TSBP1: variants seen among roughly 807,000 people sequenced by gnomAD.
TSBP1 encodes the protein testis-expressed basic protein 1.
A neutral mutation model predicts 68.8 loss-of-function variants in TSBP1; 56 were observed. The ratio of observed to expected loss-of-function variants is 0.81; its 90% CI spans 0.66 to 1.02. The LOEUF (loss-of-function observed/expected upper bound fraction) is 1.02. TSBP1 is among the 50% of genes least tolerant of loss of function. The pLI, the probability that TSBP1 is intolerant of heterozygous loss-of-function variation, is 0.00. For missense variants in TSBP1, 502 were observed against 641.2 expected, an observed-to-expected ratio of 0.78 and a Z score of 2.34; for synonymous variants, 171 against 208.7, an observed-to-expected ratio of 0.82 and a Z score of 1.56.
rs766457223 is a variant in TSBP1, at chr6:32,330,620, GAAAC to G, written c.494-15_494-12del. The G allele has an allele frequency of 9.6e-6, 15 of 1,569,702 alleles. No individual in the cohort carries two copies. Among genetic ancestry groups the G allele is most frequent in the Admixed American group, 1.7e-5 (1 of 57,436 alleles). On this transcript the variant is annotated splice_polypyrimidine_tract_variant and intron_variant, in intron 15 of 22. Coordinates refer to ENST00000612031, the Ensembl canonical transcript of TSBP1. ...ATCCAGGATATTGTACTAAAAAATA[GAAAC>G]AAACAAATTAAACACACACACACAC...
intron 18 of TSBP1, chr6:32,320,044 G>A (rs2982539): frequency 8.7e-5 from 37 of 424,260 alleles, no homozygotes; most frequent in African/African-American, 5.8e-4. Flanking sequence ...ATTTGTTGGG[G>A]CTTGTGAGGT....
chr6:32,355,238 A>G, intron 7 of TSBP1, 94 bp from the exon 8 acceptor site: 1 of 1,306,774 alleles, frequency 7.7e-7, no homozygotes, highest in African/African-American at 1.5e-5. Flanking sequence ...CCCCCTTCTC[A>G]GGAGTTAAAG....
intron 6 of TSBP1, among the ~76,000 whole-genome samples, chr6:32,358,651 G>A (rs1358555257): frequency 1.3e-5 from 2 of 151,852 alleles, no homozygotes; most frequent in Non-Finnish European, 2.9e-5. Flanking sequence ...ACCTGTGAGT[G>A]AGAACATGAG....
At chr6:32,294,204 G>A in intron 22 of TSBP1, 169 bp from the exon 26 acceptor site, 1 of 746,280 alleles carries the variant, frequency 1.3e-6, no homozygotes, top group Admixed American at 2.7e-5. Flanking sequence ...AATTATAAAA[G>A]TATCGATAAA....
At chr6:32,317,476 A>G (rs1767087842) in intron 18 of TSBP1, among the ~76,000 whole-genome samples, 1 of 152,228 alleles carries the variant, frequency 6.6e-6, no homozygotes, top group African/African-American at 2.4e-5. Context: ...ATTGAGCTAA[A>G]GAGCTTCTGC....
intron 14 of TSBP1, among the ~76,000 whole-genome samples, chr6:32,332,911 A>C (rs1769215386): frequency 6.6e-6 from 1 of 152,084 alleles, no homozygotes; most frequent in African/African-American, 2.4e-5. Context: ...ATGCCTGGCC[A>C]AAACCTTCAG....
rs760992532 is a variant in TSBP1, at chr6:32,304,980, T to A, written c.581-2351A>T. 3.9e-5 allele frequency among the ~76,000 whole-genome samples: 6 copies of A among 152,248 alleles called. No homozygotes were observed. Among genetic ancestry groups the A allele is most frequent in the Non-Finnish European group, 5.9e-5 (4 of 68,038 alleles). Reference sequence around the variant, plus strand: ...TCCATTACTAAGTTTACTTACTCTTTGCCTTACTGTGGCAGGGCAGGTCTC... The same window carrying A: ...TCCATTACTAAGTTTACTTACTCTTAGCCTTACTGTGGCAGGGCAGGTCTC... On this transcript the variant is annotated intron_variant, in intron 19 of 22. Coordinates refer to ENST00000612031, the Ensembl canonical transcript of TSBP1. The surrounding 1 kb of genome is among the most constrained non-coding windows in gnomAD (Gnocchi z 4.8).
intron 19 of TSBP1, among the ~76,000 whole-genome samples, chr6:32,305,843 C>A (rs1765732308): frequency 1.3e-5 from 2 of 152,162 alleles, no homozygotes; most frequent in Non-Finnish European, 2.9e-5. Flanking sequence ...AAACTGGAGG[C>A]AAATTGGAAC....
At position 32,325,100 on chromosome 6, in the gene TSBP1, C is replaced by T; in HGVS notation, c.515-1486G>A. On this transcript the variant is annotated intron_variant, in intron 16 of 22. Transcript: ENST00000612031. The surrounding 1 kb of genome is among the most constrained non-coding windows in gnomAD (Gnocchi z 4.4). Reference sequence around the variant, plus strand: ...TCATGTAAAAACTTTTTTCTCAGGTCTTTATTTTTTATGCGAGTCAGTGAA... The same window carrying T: ...TCATGTAAAAACTTTTTTCTCAGGTTTTTATTTTTTATGCGAGTCAGTGAA... 2.2e-6 allele frequency: 1 copy of T among 463,402 alleles called. No individual in the cohort carries two copies. The highest frequency in any genetic ancestry group is 3.8e-6 in the Non-Finnish European group (1 of 265,648). 28.7% of individuals were successfully genotyped at this position (463,402 alleles called of 1,614,324 possible). A position where few individuals can be genotyped will look rare whatever the true frequency, so the allele number is the denominator to read the frequency against.
At position 32,325,573 on chromosome 6, in the gene TSBP1, T is replaced by C. The variant is rs888913853; in HGVS notation, c.515-1959A>G. ...GGCATTAAAGAAGACACTGAAGAAATCACCTAAGAAATTATTTTGAGTAGT... is the reference window on the plus strand; with the variant it reads ...GGCATTAAAGAAGACACTGAAGAAACCACCTAAGAAATTATTTTGAGTAGT... On this transcript the variant is annotated intron_variant, in intron 16 of 22. Transcript: ENST00000612031. This position sits in a 1 kb window ranked among gnomAD's most constrained non-coding sequence, Gnocchi z 4.4. 43 of 881,092 alleles carry C rather than the reference T, an allele frequency of 4.9e-5. No homozygotes were observed. Among genetic ancestry groups the C allele is most frequent in the Non-Finnish European group, 7.8e-5 (41 of 527,444 alleles). The allele number at this position is 881,092 out of a possible 1,614,324, so 54.6% of individuals were successfully genotyped here. A position where few individuals can be genotyped will look rare whatever the true frequency, so the allele number is the denominator to read the frequency against.
In TSBP1 at chr6:32,304,803, T is replaced by A. The variant is rs1309980469; in HGVS notation, c.581-2174A>T. On this transcript the variant is annotated intron_variant, in intron 19 of 22. Transcript: ENST00000612031. The surrounding 1 kb of genome is among the most constrained non-coding windows in gnomAD (Gnocchi z 4.8). ...TAGTTGAGTTTAGCACCTTTTCTTTTTCTTTTCAGTTTTTATGAGAATTTA... is the reference window on the plus strand; with the variant it reads ...TAGTTGAGTTTAGCACCTTTTCTTTATCTTTTCAGTTTTTATGAGAATTTA... Among the ~76,000 whole-genome samples, 1 of 152,138 alleles carries A rather than the reference T, an allele frequency of 6.6e-6. No homozygotes were observed. The highest frequency in any genetic ancestry group is 2.4e-5 in the African/African-American group (1 of 41,416).
Position 32,315,899 on chromosome 6 carries a change from C to T in TSBP1, c.560-107G>A, listed in dbSNP as rs73395095. 417 of 673,968 alleles carry T rather than the reference C, an allele frequency of 6.2e-4. 2 individuals are homozygous for T. In the African/African-American group the frequency reaches 6.9e-3, roughly 11 times the overall value. The allele number at this position is 673,968 out of a possible 1,614,324, so 41.7% of individuals were successfully genotyped here. ...TCTGTGAGGGGAGGACTTGTGTGGGCAAAGAAGGAAGCATTCCAAACCACC... is the reference window on the plus strand; with the variant it reads ...TCTGTGAGGGGAGGACTTGTGTGGGTAAAGAAGGAAGCATTCCAAACCACC... On this transcript the variant is annotated intron_variant, in intron 18 of 22. Coordinates refer to ENST00000612031, the Ensembl canonical transcript of TSBP1. This position sits in a 1 kb window ranked among gnomAD's most constrained non-coding sequence, Gnocchi z 5.4.
chr6:32,350,248 G>T, intron 8 of TSBP1: 1 of 451,766 alleles, frequency 2.2e-6, no homozygotes, highest in South Asian at 1.6e-5. Context: ...ATTCACTTGT[G>T]CCCTATGGAG....
In TSBP1 at chr6:32,293,664, G is replaced by A. The variant is rs764486432; in HGVS notation, c.1009C>T (p.Gln337Ter). Residue 337 changes from glutamine (Q) to a stop codon, truncating the protein, a stop_gained, in exon 23 of 23, where the codon CAA (glutamine) becomes TAA (stop). Transcript: ENST00000612031. LOFTEE classifies it low-confidence loss of function (END_TRUNC). ...ACACCTGACTCACTCTTCTTTACTT[G>A]GGACTCCTGTCCTCTTGGTACATCT... is the stretch of plus-strand genomic sequence containing the variant. 13 of 1,612,954 alleles carry A rather than the reference G, an allele frequency of 8.1e-6. No individual in the cohort carries two copies. Among genetic ancestry groups the A allele is most frequent in the Middle Eastern group, 1.6e-4 (1 of 6,062 alleles).
In TSBP1 at chr6:32,302,445, C is replaced by A. The variant is rs114014905; in HGVS notation, c.601+164G>T. Among the ~76,000 whole-genome samples the A allele has an allele frequency of 0.015, 2,268 of 152,144 alleles. 34 individuals are homozygous for A. The highest frequency in any genetic ancestry group is 0.024 in the Non-Finnish European group (1,620 of 67,992). On this transcript the variant is annotated intron_variant, in intron 20 of 22. Transcript: ENST00000612031. The surrounding 1 kb of genome is among the most constrained non-coding windows in gnomAD (Gnocchi z 5.1). ...CTCCAGGCTAGGTGACAGAGCAAGA[C>A]CCTGTCTCAGAACAAAACAAAACCA...
chr6:32,358,156 T>C (rs1022658316), intron 6 of TSBP1, among the ~76,000 whole-genome samples: 5 of 152,198 alleles, frequency 3.3e-5, no homozygotes, highest in Non-Finnish European at 5.9e-5. Flanking sequence ...GCTGAGTACA[T>C]GTTAATTCTC....
At chr6:32,355,244 TAA>T (rs1772166954) in intron 7 of TSBP1, 100 bp from the exon 8 acceptor site, 2 of 1,240,590 alleles carry the variant, frequency 1.6e-6, no homozygotes, top group African/African-American at 3.0e-5. Flanking sequence ...TCTCAGGAGT[TAA>T]AGTCTAGGCC....
Position 32,333,162 on chromosome 6 carries a change from C to T in TSBP1, c.473-1108G>A, listed in dbSNP as rs867679864. On this transcript the variant is annotated intron_variant, in intron 14 of 22. Transcript: ENST00000612031. The surrounding 1 kb of genome is among the most constrained non-coding windows in gnomAD (Gnocchi z 4.2). ...TAGCTGGGACTGCAGGCGCACGACA[C>T]CACACCCAGCTAATTTTTGTATTTT... Among the ~76,000 whole-genome samples the T allele has an allele frequency of 3.9e-5, 6 of 152,074 alleles. No individual in the cohort carries two copies. The highest frequency in any genetic ancestry group is 1.4e-4 in the African/African-American group (6 of 41,490).
chr6:32,301,962 CATCATCATA>C (rs1765344116), intron 20 of TSBP1, among the ~76,000 whole-genome samples: 1 of 135,462 alleles, frequency 7.4e-6, no homozygotes, highest in African/African-American at 3.0e-5. Flanking sequence ...TAGTTGAAAT[CATCATCATA>C]ATAATAATAA....
Sources: gnomAD v4.1 joint callset for allele counts (sites outside exome capture counted in the v4.1 genomes callset) on GRCh38, gnomAD v4.1.1 for gene constraint, Gnocchi (gnomAD v3.1) non-coding constraint, MANE v1.5 for transcripts, NCBI Gene and HGNC (gene_info 2026-07-23, HGNC 2026-07-21) for gene names.